Variants in KCNH8 observed in about 807,000 individuals in gnomAD.
KCNH8 encodes the protein potassium voltage-gated channel subfamily H member 8, also known as voltage-gated delayed rectifier potassium channel KCNH8.
KCNH8 carries 70 observed loss-of-function variants against 103.6 expected under a neutral mutation model. The ratio of observed to expected loss-of-function variants is 0.68; its 90% CI spans 0.56 to 0.82. The LOEUF is 0.82. KCNH8 is among the 40% of genes least tolerant of loss of function. The probability of loss-of-function intolerance (pLI) is 0.00; values close to 1 mark genes in which losing one functional copy is unlikely to be tolerated. For missense variants in KCNH8, 1,217 were observed against 1,329.9 expected (o/e 0.92, Z 1.32); for synonymous variants, 498 against 489.4 (o/e 1.02, Z -0.23).
intron 1 of KCNH8, among the ~76,000 whole-genome samples, chr3:19,253,205 C>G (rs1190945814): frequency 6.6e-6 from 1 of 152,064 alleles, no homozygotes; most frequent in Admixed American, 6.6e-5. Flanking sequence ...GAATCACCTC[C>G]CAAATAAACT....
intron 1 of KCNH8, among the ~76,000 whole-genome samples, chr3:19,225,942 G>T (rs1299741438): frequency 1.3e-5 from 2 of 152,302 alleles, no homozygotes; most frequent in South Asian, 2.1e-4. Flanking sequence ...AGTCTTATAG[G>T]TGTTTATTAT....
chr3:19,377,350 T>C (rs777097592), intron 5 of KCNH8, among the ~76,000 whole-genome samples: 1 of 152,164 alleles, frequency 6.6e-6, no homozygotes, highest in Non-Finnish European at 1.5e-5. Context: ...TTTGTGCACA[T>C]TTGTTGGAGA....
intron 11 of KCNH8, among the ~76,000 whole-genome samples, chr3:19,488,135 G>A (rs891333237): frequency 4.6e-5 from 7 of 152,112 alleles, no homozygotes; most frequent in African/African-American, 7.2e-5. Flanking sequence ...TTTATCTAAG[G>A]TCTTTTGTTC....
At chr3:19,148,831 T>C (rs752149345) in intron 1 of KCNH8, 36 bp downstream of exon 1, 27 of 1,571,770 alleles carry the variant, frequency 1.7e-5, no homozygotes, top group Non-Finnish European at 2.3e-5. Context: ...TATGGCATTT[T>C]CTGAGACTGA....
chr3:19,350,363 G>C (rs1025219832), intron 5 of KCNH8, among the ~76,000 whole-genome samples: 1 of 152,050 alleles, frequency 6.6e-6, no homozygotes, highest in Non-Finnish European at 1.5e-5. Context: ...CTGTCTGACA[G>C]CTTTGAAGAG....
chr3:19,513,329 A>G lies in KCNH8; in HGVS notation c.2435+4A>G. 1 of 1,582,726 alleles carries G rather than the reference A, an allele frequency of 6.3e-7. No individual in the cohort carries two copies. Among genetic ancestry groups the G allele is most frequent in the East Asian group, 2.2e-5 (1 of 44,732 alleles). The stretch of plus-strand genomic sequence containing the variant: ...GACCCCCAGACCTCAGTCCAAGGTA[A>G]GAGTTCATATCATATAACTTTCTCA... On this transcript the variant is annotated splice_donor_region_variant and intron_variant, in intron 13 of 15. Coordinates refer to ENST00000328405, the MANE Select transcript of KCNH8 (RefSeq NM_144633.3).
At chr3:19,182,858 A>G (rs2063468745) in intron 1 of KCNH8, among the ~76,000 whole-genome samples, 1 of 152,228 alleles carries the variant, frequency 6.6e-6, no homozygotes, top group South Asian at 2.1e-4. Flanking sequence ...TGAGAAATGC[A>G]TTTGAAAAAT....
intron 11 of KCNH8, among the ~76,000 whole-genome samples, chr3:19,481,066 A>G (rs1314100948): frequency 1.3e-5 from 2 of 152,102 alleles, no homozygotes; most frequent in Non-Finnish European, 2.9e-5. Context: ...TTTCTTTCCC[A>G]TGTTTGGCTT....
At chr3:19,376,246 G>A (rs940921522) in intron 5 of KCNH8, among the ~76,000 whole-genome samples, 1 of 152,222 alleles carries the variant, frequency 6.6e-6, no homozygotes, top group Non-Finnish European at 1.5e-5. Context: ...CTAGCAATCA[G>A]CGAGACTCTG....
chr3:19,194,341 G>T (rs1463164842), intron 1 of KCNH8, among the ~76,000 whole-genome samples: 1 of 151,758 alleles, frequency 6.6e-6, no homozygotes, highest in Non-Finnish European at 1.5e-5. Context: ...TTGAGCAAGT[G>T]TTAGTAGATA....
At chr3:19,258,933 CTCTCTCTCTCTCTCTATA>C (rs1432180210) in intron 2 of KCNH8, among the ~76,000 whole-genome samples, 55 of 83,530 alleles carry the variant, frequency 6.6e-4, no homozygotes, top group South Asian at 1.2e-3. Context: ...CTCTCTCTCT[CTCTCTCTCTCTCTCTATA>C]TATATATATA....
At chr3:19,382,658 A>T (rs866136369) in intron 5 of KCNH8, among the ~76,000 whole-genome samples, 1 of 151,676 alleles carries the variant, frequency 6.6e-6, no homozygotes, top group Middle Eastern at 3.5e-3. Flanking sequence ...GAGTAGTAGT[A>T]ACAGCAGTAG....
intron 1 of KCNH8, among the ~76,000 whole-genome samples, chr3:19,244,173 C>T (rs1163938185): frequency 6.6e-6 from 1 of 151,956 alleles, no homozygotes; most frequent in Admixed American, 6.6e-5. Context: ...AAATCCAGGC[C>T]CTGTCACTTT....
chr3:19,281,360 A>G, intron 3 of KCNH8, 31 bp downstream of exon 3: 1 of 1,550,134 alleles, frequency 6.5e-7, no homozygotes, highest in South Asian at 1.2e-5. Flanking sequence ...ACATTGACAG[A>G]TGGAGTAACA....
At chr3:19,258,947 C>A (rs7427690) in intron 2 of KCNH8, among the ~76,000 whole-genome samples, 3,198 of 24,466 alleles carry the variant, frequency 0.13, 340 homozygotes, top group African/African-American at 0.14. Flanking sequence ...CTCTCTCTCT[C>A]TATATATATA....
At chr3:19,302,326 C>T (rs1293084047) in intron 3 of KCNH8, among the ~76,000 whole-genome samples, 1 of 152,170 alleles carries the variant, frequency 6.6e-6, no homozygotes, top group Non-Finnish European at 1.5e-5. Flanking sequence ...ACCTCTATGC[C>T]AGGAACCAGA....
rs11923813 is a variant in KCNH8 at position 19,223,808 on chromosome 3, G to A, written c.77-29846G>A. Among the ~76,000 whole-genome samples, 1,359 of 151,980 alleles carry A rather than the reference G, an allele frequency of 8.9e-3. 15 individuals are homozygous for A. Among genetic ancestry groups the A allele is most frequent in the African/African-American group, 0.026 (1,080 of 41,478 alleles). On this transcript the variant is annotated intron_variant, in intron 1 of 15. Coordinates refer to ENST00000328405, the MANE Select transcript of KCNH8 (RefSeq NM_144633.3). ...ACCACTTGCCATTTTCTTCTATTTT[G>A]GGGGGGAAATTTAAAAAGTGATGGC...
At chr3:19,405,852 A>G (rs1410203131) in intron 7 of KCNH8, among the ~76,000 whole-genome samples, 1 of 151,990 alleles carries the variant, frequency 6.6e-6, no homozygotes, top group South Asian at 2.1e-4. Flanking sequence ...TCCTTCTTGC[A>G]TCATAAACCC....
chr3:19,203,158 T>C (rs2063680810), intron 1 of KCNH8, among the ~76,000 whole-genome samples: 1 of 152,160 alleles, frequency 6.6e-6, no homozygotes. Context: ...AATTAAATAA[T>C]GAGAGCCCCC....
Sources: gnomAD v4.1 joint callset for allele counts (sites outside exome capture counted in the v4.1 genomes callset) on GRCh38, gnomAD v4.1.1 for gene constraint, MANE v1.5 for transcripts, NCBI Gene and HGNC (gene_info 2026-07-23, HGNC 2026-07-21) for gene names.